Variants in FAAH2 observed in about 807,000 individuals in gnomAD.
FAAH2 encodes the protein fatty acid amide hydrolase 2.
A neutral mutation model predicts 36.9 loss-of-function variants in FAAH2; 60 were observed. The observed-to-expected ratio is 1.63, with a 90% CI of 1.32 to 2.02. The LOEUF (loss-of-function observed/expected upper bound fraction) is 2.02. Among genes scored for constraint, FAAH2 ranks in the 30% most tolerant of loss-of-function variants. The pLI, the probability that FAAH2 is intolerant of heterozygous loss-of-function variation, is 0.00. For missense variants in FAAH2, 689 were observed against 397.5 expected (o/e 1.73, Z -6.23); for synonymous variants, 214 against 143.8 (o/e 1.49, Z -3.49).
At chrX:57,177,314 C>T in the FAAH2 span, among the ~76,000 whole-genome samples, 15 of 108,273 alleles carry the variant, frequency 1.4e-4, no homozygotes, top group Admixed American at 6.0e-4. Flanking sequence ...ATCAGACAGG[C>T]ACCTCTTTTC....
chrX:57,405,557 G>A (rs762348499), intron 7 of FAAH2, among the ~76,000 whole-genome samples: 10 of 108,485 alleles, frequency 9.2e-5, no homozygotes, highest in African/African-American at 2.0e-4. Context: ...GCAAGTCTGC[G>A]ATGGCGGCAA....
the FAAH2 span, among the ~76,000 whole-genome samples, chrX:57,216,500 A>ATG: frequency 3.4e-4 from 24 of 70,615 alleles, no homozygotes; most frequent in African/African-American, 1.4e-3. Flanking sequence ...ATATACGTAT[A>ATG]TGTATATATA....
intron 5 of FAAH2, among the ~76,000 whole-genome samples, chrX:57,369,796 T>C (rs2054507338): frequency 8.9e-6 from 1 of 111,868 alleles, no homozygotes; most frequent in Non-Finnish European, 1.9e-5. Flanking sequence ...TGTTGTGAAA[T>C]TCAGAACACT....
chrX:57,468,598 T>C (rs143423080), intron 10 of FAAH2, among the ~76,000 whole-genome samples: 1 of 111,729 alleles, frequency 9.0e-6, no homozygotes, highest in African/African-American at 3.3e-5. Flanking sequence ...TGGGACTATG[T>C]GAAAAGACCA....
At chrX:57,349,456 T>C (rs1406910266) in intron 5 of FAAH2, among the ~76,000 whole-genome samples, 1 of 100,546 alleles carries the variant, frequency 9.9e-6, no homozygotes, top group Non-Finnish European at 2.0e-5. Flanking sequence ...TAGATACATA[T>C]ATATACATAC....
chrX:57,382,593 C>A (rs1215377548), intron 7 of FAAH2, among the ~76,000 whole-genome samples: 1 of 111,505 alleles, frequency 9.0e-6, no homozygotes, highest in Non-Finnish European at 1.9e-5. Context: ...GGATAAATTC[C>A]TGGACACATA....
intron 2 of FAAH2, among the ~76,000 whole-genome samples, chrX:57,294,679 T>C (rs908718212): frequency 1.8e-5 from 2 of 112,077 alleles, no homozygotes; most frequent in Non-Finnish European, 3.8e-5. Flanking sequence ...TTGCACATGT[T>C]ATTACTTTTG....
chrX:57,478,409 G>A (rs1014806896), intron 10 of FAAH2, among the ~76,000 whole-genome samples: 8 of 111,203 alleles, frequency 7.2e-5, no homozygotes, highest in African/African-American at 2.6e-4. Flanking sequence ...AGATGAGTAG[G>A]TTGTGAAAAT....
intron 7 of FAAH2, among the ~76,000 whole-genome samples, chrX:57,390,789 A>G (rs2055147402): frequency 9.0e-6 from 1 of 111,612 alleles, no homozygotes; most frequent in South Asian, 3.7e-4. Flanking sequence ...AACACAACAC[A>G]CAAGTTTAGG....
intron 3 of FAAH2, among the ~76,000 whole-genome samples, chrX:57,320,829 A>G (rs764303173): frequency 3.6e-5 from 4 of 112,673 alleles, no homozygotes; most frequent in East Asian, 2.8e-4. Flanking sequence ...ACCATGCAAT[A>G]TTATACAGTT....
the FAAH2 span, among the ~76,000 whole-genome samples, chrX:57,157,827 A>T: frequency 9.2e-6 from 1 of 109,053 alleles, no homozygotes; most frequent in Admixed American, 9.8e-5. Context: ...TTTATTTTTT[A>T]TTTTTTCTCT....
At chrX:57,159,986 GCT>G in the FAAH2 span, among the ~76,000 whole-genome samples, 1 of 111,695 alleles carries the variant, frequency 9.0e-6, no homozygotes, top group Admixed American at 9.5e-5. Context: ...GTCATAGATA[GCT>G]CTTATTATTT....
intron 5 of FAAH2, among the ~76,000 whole-genome samples, chrX:57,365,154 T>C (rs2054383314): frequency 8.9e-6 from 1 of 112,002 alleles, no homozygotes; most frequent in Admixed American, 9.4e-5. Flanking sequence ...CTTCCACTTT[T>C]ACTGTGTGGT....
At chrX:57,276,625 T>C in the FAAH2 span, among the ~76,000 whole-genome samples, 1 of 110,997 alleles carries the variant, frequency 9.0e-6, no homozygotes, top group African/African-American at 3.3e-5. Flanking sequence ...AAAAAATCAA[T>C]GAATCCAGGA....
chrX:57,470,645 C>T (rs1397151926), intron 10 of FAAH2, among the ~76,000 whole-genome samples: 2 of 111,274 alleles, frequency 1.8e-5, no homozygotes, highest in African/African-American at 6.5e-5. Context: ...CAGATGGACT[C>T]GCAGCCAAAT....
chrX:57,354,497 T>C (rs1303706481), intron 5 of FAAH2, among the ~76,000 whole-genome samples: 5 of 110,160 alleles, frequency 4.5e-5, no homozygotes, highest in African/African-American at 1.6e-4. Context: ...ATTCAGGTGA[T>C]GGATACCCTG....
At chrX:57,263,167 A>G in the FAAH2 span, among the ~76,000 whole-genome samples, 2 of 111,789 alleles carry the variant, frequency 1.8e-5, no homozygotes, top group Non-Finnish European at 1.9e-5. Context: ...AATTCCTTCT[A>G]GTTGAAGTTG....
At chrX:57,150,776 G>A in the FAAH2 span, among the ~76,000 whole-genome samples, 1 of 111,826 alleles carries the variant, frequency 8.9e-6, no homozygotes, top group Non-Finnish European at 1.9e-5. Flanking sequence ...AGTTAATATA[G>A]TTATTTGTGA....
At chrX:57,171,024 G>A in the FAAH2 span, among the ~76,000 whole-genome samples, 1 of 111,060 alleles carries the variant, frequency 9.0e-6, no homozygotes, top group Admixed American at 9.6e-5. Context: ...TTTATTTTTT[G>A]ATCACTGAGT....
Sources: gnomAD v4.1 joint callset for allele counts (sites outside exome capture counted in the v4.1 genomes callset) on GRCh38, gnomAD v4.1.1 for gene constraint, MANE v1.5 for transcripts, NCBI Gene and HGNC (gene_info 2026-07-23, HGNC 2026-07-21) for gene names.